Variants in NT5DC1 observed in about 807,000 individuals in gnomAD.
NT5DC1 encodes 5'-nucleotidase domain-containing protein 1.
A neutral mutation model predicts 59.4 loss-of-function variants in NT5DC1; 42 were observed. The observed-to-expected ratio is 0.71, with a 90% CI of 0.55 to 0.92. The LOEUF is 0.92. Ranked by LOEUF, NT5DC1 falls within the 40% of genes least tolerant of loss-of-function variation. The probability of loss-of-function intolerance (pLI) is 0.00; values close to 1 mark genes in which losing one functional copy is unlikely to be tolerated. For synonymous variants in NT5DC1, 172 were observed against 188.1 expected, an observed-to-expected ratio of 0.91 and a Z score of 0.70; for missense variants, 501 against 537.1, an observed-to-expected ratio of 0.93 and a Z score of 0.66.
chr6:116,135,067 A>AT (rs1240600656), intron 6 of NT5DC1, among the ~76,000 whole-genome samples: 1 of 152,180 alleles, frequency 6.6e-6, no homozygotes, highest in Non-Finnish European at 1.5e-5. Context: ...TTATTGATAC[A>AT]TTGATTTATT....
At chr6:116,109,035 GGT>G (rs1778815314) in intron 3 of NT5DC1, among the ~76,000 whole-genome samples, 1 of 152,114 alleles carries the variant, frequency 6.6e-6, no homozygotes. Flanking sequence ...GGTTGCTAAG[GGT>G]ATGACAAGCA....
chr6:116,122,695 A>G (rs1460245868), intron 6 of NT5DC1, among the ~76,000 whole-genome samples: 12 of 152,246 alleles, frequency 7.9e-5, no homozygotes, highest in African/African-American at 2.9e-4. Context: ...CTGGGCCACA[A>G]GTATGGGGAA....
intron 4 of NT5DC1, 54 bp from the exon 5 acceptor site, chr6:116,115,637 T>G (rs76856623): frequency 4.7e-6 from 4 of 856,712 alleles, no homozygotes; most frequent in Non-Finnish European, 6.0e-6. Context: ...CCTGTGTATT[T>G]CACATGCATG....
intron 5 of NT5DC1, among the ~76,000 whole-genome samples, chr6:116,117,085 C>A (rs1181595859): frequency 6.6e-6 from 1 of 152,166 alleles, no homozygotes. Flanking sequence ...TAAGTGTGCA[C>A]TGAATTCTAA....
rs187771711 is a variant in NT5DC1, at chr6:116,178,912, G to C, written c.530-42142G>C. 3.4e-3 allele frequency among the ~76,000 whole-genome samples: 520 copies of C among 152,248 alleles called. 15 individuals are homozygous for C. In the South Asian group the frequency reaches 0.046, roughly 14 times the overall value. ...TTCTTTTACTCGATATGCATTTCCA[G>C]CCCTCTAATTTTTCTTTCCTTATGA... is the stretch of plus-strand genomic sequence containing the variant. On this transcript the variant is annotated intron_variant, in intron 6 of 11. Coordinates refer to ENST00000319550, the MANE Select transcript of NT5DC1 (RefSeq NM_152729.3).
chr6:116,219,256 G>A (rs183209366), intron 6 of NT5DC1, among the ~76,000 whole-genome samples: 25 of 152,260 alleles, frequency 1.6e-4, no homozygotes, highest in African/African-American at 1.7e-4. Flanking sequence ...TATCAGACTC[G>A]TGCTTTGTGT....
Position 116,101,011 on chromosome 6 carries a change from C to G in NT5DC1, c.81C>G (p.Pro27=), listed in dbSNP as rs918904029. The G allele has an allele frequency of 5.6e-6, 9 of 1,598,748 alleles. No individual in the cohort carries two copies. In the East Asian group the frequency reaches 9.3e-5, roughly 17 times the overall value. The change falls in exon 1 of 12, where the codon CCC becomes CCG. Residue 27 remains proline (P), a synonymous_variant. Coordinates refer to ENST00000319550, the MANE Select transcript of NT5DC1 (RefSeq NM_152729.3). ...ACACTCTGTGTCGCTACAACCTGCC[C>G]GAGAGCGCCCCGGTGAGTGGCGCGG... is the stretch of plus-strand genomic sequence containing the variant. The part of the protein sequence containing the change: ...LDHTLCRYNL[P]ESAPLIYNSF...
At chr6:116,127,993 T>C (rs956150627) in intron 6 of NT5DC1, among the ~76,000 whole-genome samples, 5 of 152,138 alleles carry the variant, frequency 3.3e-5, no homozygotes, top group African/African-American at 1.2e-4. Context: ...CTCCCAGTTT[T>C]AAAATTAGAT....
intron 6 of NT5DC1, among the ~76,000 whole-genome samples, chr6:116,198,310 A>G (rs1781278057): frequency 6.6e-6 from 1 of 152,082 alleles, no homozygotes; most frequent in African/African-American, 2.4e-5. Flanking sequence ...TGTGGCCAGT[A>G]AATGATGGCT....
chr6:116,120,605 G>A, intron 6 of NT5DC1: 1 of 1,577,590 alleles, frequency 6.3e-7, no homozygotes, highest in Non-Finnish European at 8.6e-7. Flanking sequence ...TGGAAGACCA[G>A]GCTCTCCAGA....
At chr6:116,182,620 A>G (rs957672850) in intron 6 of NT5DC1, among the ~76,000 whole-genome samples, 3 of 151,840 alleles carry the variant, frequency 2.0e-5, no homozygotes, top group Non-Finnish European at 4.4e-5. Flanking sequence ...TTTGGTTTGC[A>G]TTTCCCTGAT....
intron 4 of NT5DC1, among the ~76,000 whole-genome samples, chr6:116,112,446 T>C (rs1778897453): frequency 6.6e-6 from 1 of 152,190 alleles, no homozygotes; most frequent in Admixed American, 6.5e-5. Context: ...TTAAATATTA[T>C]AGAAATGAAT....
At chr6:116,130,058 AC>A (rs1779423207) in intron 6 of NT5DC1, among the ~76,000 whole-genome samples, 1 of 152,160 alleles carries the variant, frequency 6.6e-6, no homozygotes, top group Non-Finnish European at 1.5e-5. Flanking sequence ...GTAATTGCCT[AC>A]AGTCAATATT....
intron 6 of NT5DC1, among the ~76,000 whole-genome samples, chr6:116,194,470 T>G (rs955890446): frequency 2.6e-5 from 4 of 151,866 alleles, no homozygotes; most frequent in Admixed American, 2.6e-4. Context: ...TGGGAATTGG[T>G]GAGAAGGGGA....
At chr6:116,170,458 C>G (rs1780580250) in intron 6 of NT5DC1, among the ~76,000 whole-genome samples, 1 of 152,222 alleles carries the variant, frequency 6.6e-6, no homozygotes, top group Non-Finnish European at 1.5e-5. Context: ...AGGTTCATAG[C>G]CACCATTTTC....
intron 8 of NT5DC1, among the ~76,000 whole-genome samples, chr6:116,233,776 CACTT>C (rs1410869272): frequency 6.6e-6 from 1 of 152,138 alleles, no homozygotes; most frequent in African/African-American, 2.4e-5. Context: ...ACTTCTTAAA[CACTT>C]ACTTTGTGGC....
At chr6:116,178,585 CA>C (rs951266478) in intron 6 of NT5DC1, among the ~76,000 whole-genome samples, 2 of 152,170 alleles carry the variant, frequency 1.3e-5, no homozygotes, top group African/African-American at 4.8e-5. Context: ...GCCAAATTAC[CA>C]AGTGTTCCCA....
At chr6:116,188,299 A>C (rs1258629598) in intron 6 of NT5DC1, among the ~76,000 whole-genome samples, 1 of 152,068 alleles carries the variant, frequency 6.6e-6, no homozygotes, top group African/African-American at 2.4e-5. Flanking sequence ...TATAAAGTTG[A>C]AAGTGAGCAT....
At chr6:116,177,377 TTTA>T (rs771971439) in intron 6 of NT5DC1, among the ~76,000 whole-genome samples, 7 of 152,286 alleles carry the variant, frequency 4.6e-5, no homozygotes, top group Non-Finnish European at 7.4e-5. Flanking sequence ...AAATCTAGAC[TTTA>T]TTATTTTTGT....
Sources: allele counts gnomAD v4.1 joint callset (sites outside exome capture counted in the v4.1 genomes callset), GRCh38; gene constraint gnomAD v4.1.1; transcripts MANE v1.5; gene names NCBI Gene and HGNC (gene_info 2026-07-23, HGNC 2026-07-21).